The following ANKS1B variants were observed in gnomAD, a reference collection of about 807,000 sequenced individuals.
ANKS1B encodes the protein ankyrin repeat and sterile alpha motif domain containing 1B.
A neutral mutation model predicts 148.3 loss-of-function variants in ANKS1B; 36 were observed. The ratio of observed to expected loss-of-function variants is 0.24; its 90% CI spans 0.19 to 0.32. The LOEUF (loss-of-function observed/expected upper bound fraction) is 0.32, where lower values mean the gene tolerates loss of function less well. Among genes scored for constraint, ANKS1B ranks in the 10% least tolerant of loss-of-function variants. ANKS1B has a pLI of 1.00. For synonymous variants in ANKS1B, 542 were observed against 560.8 expected (o/e 0.97, Z 0.47); for missense variants, 1,157 against 1,542.6 (o/e 0.75, Z 4.19).
chr12:99,979,772 T>A (rs2095671246), intron 1 of ANKS1B, among the ~76,000 whole-genome samples: 1 of 152,078 alleles, frequency 6.6e-6, no homozygotes, highest in Admixed American at 6.6e-5. Context: ...ATAAAATACC[T>A]CACAATATTC....
At chr12:99,523,772 T>G (rs2096899994) in intron 9 of ANKS1B, among the ~76,000 whole-genome samples, 1 of 151,950 alleles carries the variant, frequency 6.6e-6, no homozygotes, top group Non-Finnish European at 1.5e-5. Flanking sequence ...CAGGATGGTC[T>G]CAATCTCCTA....
chr12:99,822,902 C>T (rs2082683320), intron 2 of ANKS1B, among the ~76,000 whole-genome samples: 1 of 152,058 alleles, frequency 6.6e-6, no homozygotes, highest in South Asian at 2.1e-4. Flanking sequence ...TTTTACATTC[C>T]CACCAACAGT....
At chr12:99,284,720 A>G (rs1298633479) in intron 12 of ANKS1B, among the ~76,000 whole-genome samples, 3 of 152,124 alleles carry the variant, frequency 2.0e-5, no homozygotes, top group African/African-American at 7.2e-5. Flanking sequence ...AAATCAAATC[A>G]TTTCTCTACT....
intron 17 of ANKS1B, among the ~76,000 whole-genome samples, chr12:98,990,482 T>C (rs1221629166): frequency 6.6e-6 from 1 of 150,616 alleles, no homozygotes; most frequent in Non-Finnish European, 1.5e-5. Context: ...AACCTGGCAT[T>C]AGGGTGTAGT....
chr12:99,764,460 TC>T (rs1470321181), intron 8 of ANKS1B, among the ~76,000 whole-genome samples: 1 of 152,196 alleles, frequency 6.6e-6, no homozygotes, highest in Admixed American at 6.5e-5. Context: ...TTCACTCTTG[TC>T]ATCCAGGCTG....
At chr12:99,221,327 A>T (rs2085097951) in intron 14 of ANKS1B, among the ~76,000 whole-genome samples, 1 of 152,160 alleles carries the variant, frequency 6.6e-6, no homozygotes, top group Non-Finnish European at 1.5e-5. Flanking sequence ...GTGACAGAGG[A>T]AGACTCCATC....
intron 24 of ANKS1B, among the ~76,000 whole-genome samples, chr12:98,780,380 T>C (rs1178462900): frequency 6.6e-6 from 1 of 152,198 alleles, no homozygotes; most frequent in African/African-American, 2.4e-5. Context: ...GGGACAATGG[T>C]CACACCCAAG....
intron 17 of ANKS1B, among the ~76,000 whole-genome samples, chr12:98,937,530 T>A (rs1268819248): frequency 6.6e-6 from 1 of 152,026 alleles, no homozygotes; most frequent in Non-Finnish European, 1.5e-5. Context: ...TCCTGAAACC[T>A]CTCTCAGCCT....
At chr12:99,304,271 C>T (rs764300597) in intron 12 of ANKS1B, among the ~76,000 whole-genome samples, 14 of 152,092 alleles carry the variant, frequency 9.2e-5, no homozygotes, top group Non-Finnish European at 1.8e-4. Context: ...TCCATGCCAA[C>T]ATCTATTATT....
At chr12:99,772,165 C>T (rs1311674488) in intron 8 of ANKS1B, among the ~76,000 whole-genome samples, 1 of 151,920 alleles carries the variant, frequency 6.6e-6, no homozygotes, top group African/African-American at 2.4e-5. Context: ...GTTTTTCTTG[C>T]TTTTGTGTTC....
intron 15 of ANKS1B, among the ~76,000 whole-genome samples, chr12:99,110,937 C>T (rs1327010057): frequency 6.6e-6 from 1 of 152,214 alleles, no homozygotes; most frequent in Non-Finnish European, 1.5e-5. Flanking sequence ...CTTTTCTGCT[C>T]TCCATTCTAA....
intron 9 of ANKS1B, among the ~76,000 whole-genome samples, chr12:99,553,920 G>A (rs1055632602): frequency 8.5e-5 from 13 of 152,172 alleles, no homozygotes; most frequent in Admixed American, 3.3e-4. Context: ...AATGAACCAC[G>A]ATGGTCTACT....
intron 17 of ANKS1B, among the ~76,000 whole-genome samples, chr12:98,846,693 A>T (rs1022325673): frequency 1.3e-5 from 2 of 152,216 alleles, no homozygotes; most frequent in Non-Finnish European, 1.5e-5. Flanking sequence ...GTGGACTTTC[A>T]CATAAGCTGT....
At chr12:99,842,243 T>C (rs147677996) in intron 1 of ANKS1B, among the ~76,000 whole-genome samples, 3 of 152,288 alleles carry the variant, frequency 2.0e-5, no homozygotes, top group East Asian at 1.9e-4. Flanking sequence ...AATTTATCAA[T>C]GCTTAGAATC....
intron 2 of ANKS1B, among the ~76,000 whole-genome samples, chr12:99,823,892 T>C (rs945033156): frequency 6.6e-6 from 1 of 152,220 alleles, no homozygotes; most frequent in Admixed American, 6.5e-5. Flanking sequence ...GAATACCAGA[T>C]GGCTATAGGT....
At chr12:99,937,042 T>G (rs1183505464) in intron 1 of ANKS1B, among the ~76,000 whole-genome samples, 1 of 152,132 alleles carries the variant, frequency 6.6e-6, no homozygotes, top group African/African-American at 2.4e-5. Flanking sequence ...CCCTTAACCT[T>G]AGGCCTAGTC....
At chr12:99,192,215 A>T (rs1003695088) in intron 14 of ANKS1B, among the ~76,000 whole-genome samples, 4 of 151,980 alleles carry the variant, frequency 2.6e-5, no homozygotes, top group Non-Finnish European at 5.9e-5. Flanking sequence ...TATTCTGAGA[A>T]GCATCCATTG....
intron 1 of ANKS1B, among the ~76,000 whole-genome samples, chr12:99,825,767 G>A (rs2083098117): frequency 6.6e-6 from 1 of 152,160 alleles, no homozygotes; most frequent in Admixed American, 6.5e-5. Context: ...CCTCATGCCT[G>A]TTAACACACT....
At chr12:99,843,344 A>T (rs1207996980) in intron 1 of ANKS1B, among the ~76,000 whole-genome samples, 2 of 152,038 alleles carry the variant, frequency 1.3e-5, no homozygotes, top group African/African-American at 4.8e-5. Context: ...TGCACAGATC[A>T]TCCCATCACC....
Sources: gnomAD v4.1 joint callset for allele counts (sites outside exome capture counted in the v4.1 genomes callset) on GRCh38, gnomAD v4.1.1 for gene constraint, MANE v1.5 for transcripts, NCBI Gene and HGNC (gene_info 2026-07-23, HGNC 2026-07-21) for gene names.